The following TEC variants were observed in gnomAD, a reference collection of about 807,000 sequenced individuals.
TEC encodes the protein tec protein tyrosine kinase.
In TEC, 72 loss-of-function variants were observed where a neutral mutation model predicts 93.0. That is an observed-to-expected ratio of 0.77 (90% CI 0.64 to 0.94). The LOEUF (loss-of-function observed/expected upper bound fraction) is 0.94. Ranked by LOEUF, TEC falls within the 40% of genes least tolerant of loss-of-function variation. The pLI is 0.00. For synonymous variants in TEC, 249 were observed against 247.7 expected (o/e 1.01, Z -0.05); for missense variants, 630 against 757.9 (o/e 0.83, Z 1.98).
Position 48,176,090 on chromosome 4 carries a change from G to T in TEC, c.235C>A (p.Pro79Thr), listed in dbSNP as rs1288931917. The change falls in exon 3 of 18, where the codon CCA (proline) becomes ACA (threonine). Residue 79 changes from proline to threonine, a missense_variant. By Grantham distance (38) the Pro-to-Thr change is conservative (BLOSUM62 -1). This residue lies in a region of TEC where 335 missense variants were observed against 351.5 expected (regional missense o/e 0.95). Coordinates refer to ENST00000381501, the MANE Select transcript of TEC (RefSeq NM_003215.3). ...DGVIPCQNKY[P>T]FQVVHDANTL... ...AAAATACACCAGCTCACCTGAAATG[G>T]ATACTTATTTTGACAGGGAATGACA... is the stretch of plus-strand genomic sequence containing the variant. The T allele has an allele frequency of 6.2e-7, 1 of 1,613,038 alleles. No homozygotes were observed. Among genetic ancestry groups the T allele is most frequent in the Admixed American group, 1.7e-5 (1 of 60,008 alleles).
At chr4:48,222,678 T>C (rs1723306321) in intron 2 of TEC, among the ~76,000 whole-genome samples, 1 of 150,664 alleles carries the variant, frequency 6.6e-6, no homozygotes, top group African/African-American at 2.5e-5. Context: ...CCTTTTTCCT[T>C]GCCTCACTAC....
chr4:48,146,366 A>G lies in TEC; in HGVS notation c.1040T>C (p.Val347Ala), dbSNP rs1265035864. ...AGTGGTGGGTGCATTCTTCCCTTTC[A>G]CACTAACTGGGTACCGAAGCCTGGT... ...LVTRLRYPVS[V>A]KGKNAPTTAG... Residue 347 changes from valine to alanine, a missense_variant, in exon 12 of 18, where the codon GTG (valine) becomes GCG (alanine). This residue lies in a region of TEC where 289 missense variants were observed against 390.0 expected (regional missense o/e 0.74). Transcript: ENST00000381501. The G allele has an allele frequency of 6.2e-7, 1 of 1,613,736 alleles. No homozygotes were observed. The highest frequency in any genetic ancestry group is 1.3e-5 in the African/African-American group (1 of 74,912).
intron 1 of TEC, among the ~76,000 whole-genome samples, chr4:48,256,227 C>T (rs897484176): frequency 6.6e-6 from 1 of 152,002 alleles, no homozygotes; most frequent in African/African-American, 2.4e-5. Flanking sequence ...TGCCATGGGA[C>T]CAACTACCAG....
intron 2 of TEC, among the ~76,000 whole-genome samples, chr4:48,222,133 G>C (rs1357493296): frequency 1.3e-5 from 2 of 152,150 alleles, no homozygotes; most frequent in African/African-American, 4.8e-5. Context: ...ATTTTTGAAA[G>C]ATAAAATAGA....
At chr4:48,207,905 A>G (rs1400205354) in intron 2 of TEC, among the ~76,000 whole-genome samples, 1 of 152,364 alleles carries the variant, frequency 6.6e-6, no homozygotes, top group African/African-American at 2.4e-5. Context: ...AAAATGTATA[A>G]ATCCTAATAG....
chr4:48,217,912 T>C (rs1182457650), intron 2 of TEC, among the ~76,000 whole-genome samples: 7 of 151,598 alleles, frequency 4.6e-5, no homozygotes, highest in Admixed American at 4.6e-4. Flanking sequence ...GAGGGAATGT[T>C]AGTATCCCCC....
chr4:48,239,144 T>C (rs1723863147), intron 1 of TEC, among the ~76,000 whole-genome samples: 1 of 152,030 alleles, frequency 6.6e-6, no homozygotes, highest in South Asian at 2.1e-4. Flanking sequence ...AAAAAAAAGC[T>C]CTCTTTCAAA....
chr4:48,229,078 G>A (rs1723572124), intron 1 of TEC, among the ~76,000 whole-genome samples: 2 of 152,156 alleles, frequency 1.3e-5, no homozygotes, highest in Non-Finnish European at 1.5e-5. Context: ...TGACCTTACA[G>A]ACACAGCCAA....
intron 2 of TEC, among the ~76,000 whole-genome samples, chr4:48,226,653 T>C (rs1379032643): frequency 6.6e-6 from 1 of 152,212 alleles, no homozygotes; most frequent in Non-Finnish European, 1.5e-5. Context: ...GGTAACCTAC[T>C]GTTCATGTCC....
At chr4:48,175,628 C>T (rs949100596) in intron 3 of TEC, among the ~76,000 whole-genome samples, 1 of 152,064 alleles carries the variant, frequency 6.6e-6, no homozygotes, top group Non-Finnish European at 1.5e-5. Flanking sequence ...TACAAGGTGA[C>T]CTTGGAGAAG....
chr4:48,188,530 A>T (rs1408114236), intron 2 of TEC, among the ~76,000 whole-genome samples: 3 of 152,170 alleles, frequency 2.0e-5, no homozygotes, highest in African/African-American at 4.8e-5. Flanking sequence ...CAGTCATTCC[A>T]ATACCTCTCA....
chr4:48,178,201 C>G (rs572145517), intron 2 of TEC, among the ~76,000 whole-genome samples: 1 of 111,668 alleles, frequency 9.0e-6, no homozygotes, highest in Admixed American at 9.8e-5. Context: ...GAGAACCCAG[C>G]GGCCTCAAAC....
intron 2 of TEC, among the ~76,000 whole-genome samples, chr4:48,224,779 A>G (rs1247170923): frequency 6.6e-6 from 1 of 152,230 alleles, no homozygotes; most frequent in Non-Finnish European, 1.5e-5. Context: ...GCATATTTCA[A>G]CAAGCACAGA....
intron 2 of TEC, among the ~76,000 whole-genome samples, chr4:48,216,699 A>G (rs1368521934): frequency 4.6e-5 from 7 of 152,210 alleles, no homozygotes; most frequent in Non-Finnish European, 8.8e-5. Context: ...GAATATGTTC[A>G]GTGGAAAAAT....
intron 2 of TEC, among the ~76,000 whole-genome samples, chr4:48,226,711 G>A (rs190526540): frequency 7.9e-5 from 12 of 152,072 alleles, no homozygotes; most frequent in Admixed American, 2.0e-4. Context: ...TTAAGTTTGC[G>A]GGGGGAGTCA....
rs1724550665 is a variant in TEC, at chr4:48,263,503, C to T, written c.-46+6249G>A. Among the ~76,000 whole-genome samples, 4 of 152,278 alleles carry T rather than the reference C, an allele frequency of 2.6e-5. 1 individual carries two copies. The South Asian group carries it at 8.3e-4, about 32-fold the overall frequency. On this transcript the variant is annotated intron_variant, in intron 1 of 17. Coordinates refer to ENST00000381501, the MANE Select transcript of TEC (RefSeq NM_003215.3). ...CCAAGGCAGGCAGATCACCTGAGGCCAGGAGTTCGAGGCCAGCCTGGCCAA... is the reference window on the plus strand; with the variant it reads ...CCAAGGCAGGCAGATCACCTGAGGCTAGGAGTTCGAGGCCAGCCTGGCCAA...
Position 48,149,808 on chromosome 4 carries a change from A to G in TEC, c.873-118T>C, listed in dbSNP as rs1720081483. ...CCATATGATCCCATCTATTCCTGGCACAAATTTTACTTTCCCCTTGTTCTT... is the reference window on the plus strand; with the variant it reads ...CCATATGATCCCATCTATTCCTGGCGCAAATTTTACTTTCCCCTTGTTCTT... On this transcript the variant is annotated intron_variant, in intron 10 of 17. Transcript: ENST00000381501. The G allele has an allele frequency of 3.1e-6, 3 of 962,326 alleles. No individual in the cohort carries two copies. In the East Asian group the frequency reaches 9.0e-5, roughly 29 times the overall value. The allele number at this position is 962,326 out of a possible 1,614,324, so 59.6% of individuals were successfully genotyped here.
intron 8 of TEC, among the ~76,000 whole-genome samples, chr4:48,159,129 A>G (rs1463426062): frequency 1.3e-5 from 2 of 151,842 alleles, no homozygotes; most frequent in African/African-American, 2.4e-5. Context: ...TTCTCCTGTC[A>G]GGAATAACTA....
At chr4:48,238,388 C>T (rs1165803624) in intron 1 of TEC, among the ~76,000 whole-genome samples, 1 of 152,136 alleles carries the variant, frequency 6.6e-6, no homozygotes, top group Non-Finnish European at 1.5e-5. Context: ...ACACCTTGAA[C>T]AGCACCAAGA....
Sources: gnomAD v4.1 joint callset for allele counts (sites outside exome capture counted in the v4.1 genomes callset) on GRCh38, gnomAD v4.1.1 for gene constraint, gnomAD v4.1.1 regional missense constraint, MANE v1.5 for transcripts, NCBI Gene and HGNC (gene_info 2026-07-23, HGNC 2026-07-21) for gene names.